GNA15: variants seen among roughly 807,000 people sequenced by gnomAD.
The protein encoded by GNA15 is guanine nucleotide-binding protein subunit alpha-15.
GNA15 carries 23 observed loss-of-function variants against 40.1 expected under a neutral mutation model. That is an observed-to-expected ratio of 0.57 (90% CI 0.41 to 0.81). The LOEUF is 0.81. Among genes scored for constraint, GNA15 ranks in the 40% least tolerant of loss-of-function variants. GNA15 has a pLI of 0.00. For synonymous variants in GNA15, 226 were observed against 210.4 expected (o/e 1.07, Z -0.64); for missense variants, 522 against 515.8 (o/e 1.01, Z -0.12).
chr19:3,150,873 C>G (rs1425248184), intron 3 of GNA15, among the ~76,000 whole-genome samples: 1 of 151,880 alleles, frequency 6.6e-6, no homozygotes, highest in African/African-American at 2.4e-5. Context: ...CAGGGGTGAC[C>G]CTGTTTCTGG....
At chr19:3,152,302 G>A (rs1235770863) in intron 4 of GNA15, among the ~76,000 whole-genome samples, 1 of 152,148 alleles carries the variant, frequency 6.6e-6, no homozygotes, top group Non-Finnish European at 1.5e-5. Flanking sequence ...CAGGACAGCG[G>A]GCGTGGGGAT....
At chr19:3,150,033 C>A in intron 2 of GNA15, 98 bp from the exon 3 acceptor site, 1 of 973,890 alleles carries the variant, frequency 1.0e-6, no homozygotes. Flanking sequence ...GGGAAGAGAG[C>A]GTGTTTCAGG....
chr19:3,162,139 T>C (rs937484509), intron 6 of GNA15, among the ~76,000 whole-genome samples: 7 of 152,146 alleles, frequency 4.6e-5, no homozygotes, highest in African/African-American at 1.7e-4. Context: ...TTAATCTTCA[T>C]GTTAAAACCC....
At position 3,144,744 on chromosome 19, in the gene GNA15, G is replaced by A. The variant is rs559170325; in HGVS notation, c.146-3847G>A. On this transcript the variant is annotated intron_variant, in intron 1 of 6. Coordinates refer to ENST00000262958, the MANE Select transcript of GNA15 (RefSeq NM_002068.4). ...GGGGTTTCACCGTGTTAGCCAGGAT[G>A]GTCTCGATCTCCTGACCTCGTGATC... Among the ~76,000 whole-genome samples, 112 of 151,410 alleles carry A rather than the reference G, an allele frequency of 7.4e-4. No homozygotes were observed. The Middle Eastern group carries it at 0.014, about 19-fold the overall frequency.
rs966302595 is a variant in GNA15, at chr19:3,155,620, C to G, written c.615-203C>G. ...AGCTTGGGAAAGTCCCCGCTCCTCC[C>G]TGGATCTCAGGCTTCTCATCTGTAA... On this transcript the variant is annotated intron_variant, in intron 4 of 6. Transcript: ENST00000262958. The surrounding 1 kb of genome is among the most constrained non-coding windows in gnomAD (Gnocchi z 5.6). 6.6e-6 allele frequency among the ~76,000 whole-genome samples: 1 copy of G among 152,192 alleles called. No homozygotes were observed. Among genetic ancestry groups the G allele is most frequent in the Admixed American group, 6.5e-5 (1 of 15,276 alleles).
chr19:3,162,986 C>A lies in GNA15; in HGVS notation c.1092C>A (p.Leu364=). 1 of 1,613,806 alleles carries A rather than the reference C, an allele frequency of 6.2e-7. No homozygotes were observed. The highest frequency in any genetic ancestry group is 8.5e-7 in the Non-Finnish European group (1 of 1,179,772). The part of the protein sequence containing the change: ...KVFKDVRDSV[L]ARYLDEINLL The stretch of plus-strand genomic sequence containing the variant: ...TCAAGGACGTGCGGGACTCGGTGCT[C>A]GCCCGCTACCTGGACGAGATCAACC... Residue 364 remains leucine, a synonymous_variant, in exon 7 of 7, where the codon CTC becomes CTA. Coordinates refer to ENST00000262958, the MANE Select transcript of GNA15 (RefSeq NM_002068.4).
rs531577638 is a variant in GNA15 at position 3,163,089 on chromosome 19, A to G, written c.*70A>G. 9.3e-6 allele frequency: 9 copies of G among 963,470 alleles called. No individual in the cohort carries two copies. The East Asian group carries it at 1.5e-4, about 16-fold the overall frequency. The allele number at this position is 963,470 out of a possible 1,614,324, so 59.7% of individuals were successfully genotyped here. A position where few individuals can be genotyped will look rare whatever the true frequency, so the allele number is the denominator to read the frequency against. ...GGTGGGAGTGGCTGCAGGGACCCCT[A>G]GTGTCCCTGGTCTATCTCTCCAGCC... On this transcript the variant is annotated 3_prime_UTR_variant, in exon 7 of 7. Transcript: ENST00000262958.
intron 1 of GNA15, among the ~76,000 whole-genome samples, chr19:3,145,353 A>AC (rs1231419407): frequency 9.9e-4 from 34 of 34,260 alleles, no homozygotes; most frequent in African/African-American, 6.0e-3. Flanking sequence ...ATATATATAT[A>AC]TATATATTTT....
At chr19:3,141,339 C>G (rs1914570916) in intron 1 of GNA15, among the ~76,000 whole-genome samples, 1 of 152,100 alleles carries the variant, frequency 6.6e-6, no homozygotes, top group Non-Finnish European at 1.5e-5. Context: ...ACAACAAAAA[C>G]AGGAAAATAA....
intron 6 of GNA15, among the ~76,000 whole-genome samples, chr19:3,161,280 C>T (rs1371783693): frequency 5.3e-5 from 8 of 152,184 alleles, no homozygotes; most frequent in Non-Finnish European, 1.2e-4. Context: ...TAACTAATTA[C>T]ATCTGCAAAT....
chr19:3,159,346 C>CTT (rs112224395), intron 6 of GNA15, among the ~76,000 whole-genome samples: 71 of 115,148 alleles, frequency 6.2e-4, no homozygotes, highest in African/African-American at 1.9e-3. Flanking sequence ...AATTTCTTTT[C>CTT]TTTTTTTTTT....
At position 3,163,096 on chromosome 19, in the gene GNA15, C is replaced by T; in HGVS notation, c.*77C>T. The T allele has an allele frequency of 1.1e-6, 1 of 899,422 alleles. No individual in the cohort carries two copies. The highest frequency in any genetic ancestry group is 1.4e-5 in the South Asian group (1 of 72,622). 55.7% of individuals were successfully genotyped at this position (899,422 alleles called of 1,614,324 possible). Reference sequence around the variant, plus strand: ...GTGGCTGCAGGGACCCCTAGTGTCCCTGGTCTATCTCTCCAGCCTCGGCCC... The same window carrying T: ...GTGGCTGCAGGGACCCCTAGTGTCCTTGGTCTATCTCTCCAGCCTCGGCCC... On this transcript the variant is annotated 3_prime_UTR_variant, in exon 7 of 7. Coordinates refer to ENST00000262958, the MANE Select transcript of GNA15 (RefSeq NM_002068.4).
chr19:3,142,112 C>T (rs1486850426), intron 1 of GNA15: 1 of 152,358 alleles, frequency 6.6e-6, no homozygotes, highest in Admixed American at 6.5e-5. Context: ...CACGGTTAAC[C>T]CAGTTCCTTC....
chr19:3,140,062 T>TCTATCTAA (rs1483492370), intron 1 of GNA15, among the ~76,000 whole-genome samples: 1 of 151,300 alleles, frequency 6.6e-6, no homozygotes, highest in Non-Finnish European at 1.5e-5. Flanking sequence ...TATCTATCTA[T>TCTATCTAA]CTATCTATCT....
chr19:3,158,365 G>C (rs66786322), intron 6 of GNA15, among the ~76,000 whole-genome samples: 22,528 of 151,778 alleles, frequency 0.15, 1,830 homozygotes, highest in African/African-American at 0.17. Flanking sequence ...TGTTGACCAG[G>C]ATAGTCTCGA....
At chr19:3,149,835 C>T (rs1914834431) in intron 2 of GNA15, 2 of 298,770 alleles carry the variant, frequency 6.7e-6, no homozygotes, top group African/African-American at 2.2e-5. Context: ...TGGGAGCCAG[C>T]TAGTGTAAAG....
intron 1 of GNA15, among the ~76,000 whole-genome samples, chr19:3,144,764 G>A (rs540758785): frequency 1.5e-4 from 23 of 151,600 alleles, no homozygotes; most frequent in Middle Eastern, 3.4e-3. Flanking sequence ...TCCTGACCTC[G>A]TGATCCGCCC....
chr19:3,136,468 C>T lies in GNA15; in HGVS notation c.18C>T (p.Thr6=), dbSNP rs1914460613. The T allele has an allele frequency of 6.4e-7, 1 of 1,550,932 alleles. No individual in the cohort carries two copies. The highest frequency in any genetic ancestry group is 1.2e-5 in the South Asian group (1 of 84,092). The change falls in exon 1 of 7, where the codon ACC becomes ACT. Residue 6 remains threonine (T), a synonymous_variant. Coordinates refer to ENST00000262958, the MANE Select transcript of GNA15 (RefSeq NM_002068.4). This position sits in a 1 kb window ranked among gnomAD's most constrained non-coding sequence, Gnocchi z 4.9. ...ACCGCACCATGGCCCGCTCGCTGAC[C>T]TGGCGCTGCTGCCCCTGGTGCCTGA... MARSL[T]WRCCPWCLTE... is the part of the protein sequence containing the mutation.
intron 4 of GNA15, among the ~76,000 whole-genome samples, chr19:3,153,155 C>T (rs1369828823): frequency 1.3e-5 from 2 of 151,452 alleles, no homozygotes; most frequent in African/African-American, 2.4e-5. Flanking sequence ...TTGAAGTCAG[C>T]GAGACCGAGA....
Sources: allele counts gnomAD v4.1 joint callset (sites outside exome capture counted in the v4.1 genomes callset), GRCh38; gene constraint gnomAD v4.1.1; non-coding constraint Gnocchi (gnomAD v3.1); transcripts MANE v1.5; gene names NCBI Gene and HGNC (gene_info 2026-07-23, HGNC 2026-07-21).